NRXN1: variants seen among roughly 807,000 people sequenced by gnomAD.
NRXN1 encodes neurexin 1.
Under a neutral mutation model 150.9 loss-of-function variants are expected in NRXN1, and 39 were observed. The ratio of observed to expected loss-of-function variants is 0.26; its 90% confidence interval spans 0.20 to 0.34. The LOEUF (loss-of-function observed/expected upper bound fraction) is 0.34, where lower values mean the gene tolerates loss of function less well. Ranked by LOEUF, NRXN1 falls within the 10% of genes least tolerant of loss-of-function variation. NRXN1 has a pLI of 1.00. For missense variants in NRXN1, 1,815 were observed against 1,949.9 expected, an observed-to-expected ratio of 0.93 and a Z score of 1.30; for synonymous variants, 924 against 757.0, an observed-to-expected ratio of 1.22 and a Z score of -3.62.
At chr2:50,433,184 T>C (rs999858752) in intron 17 of NRXN1, among the ~76,000 whole-genome samples, 7 of 152,362 alleles carry the variant, frequency 4.6e-5, no homozygotes, top group Middle Eastern at 3.4e-3. Context: ...TGACTTGTTT[T>C]AGCCACTGAG....
At chr2:50,365,566 T>C (rs527493440) in intron 17 of NRXN1, among the ~76,000 whole-genome samples, 138 of 152,204 alleles carry the variant, frequency 9.1e-4, no homozygotes, top group Middle Eastern at 3.4e-3. Context: ...AGCTAAATAA[T>C]AGGTTTTTGA....
At chr2:50,207,233 T>C (rs1056543119) in intron 18 of NRXN1, among the ~76,000 whole-genome samples, 1 of 152,064 alleles carries the variant, frequency 6.6e-6, no homozygotes, top group African/African-American at 2.4e-5. Flanking sequence ...AATCTTTCCA[T>C]GTTAGAACAG....
intron 5 of NRXN1, among the ~76,000 whole-genome samples, chr2:50,745,735 C>A (rs953351397): frequency 6.6e-6 from 1 of 151,946 alleles, no homozygotes; most frequent in Non-Finnish European, 1.5e-5. Context: ...GAACGAGAAC[C>A]GATTAAAGGG....
rs2104608449 is a variant in NRXN1, at chr2:50,953,183, C to T, written c.773-27228G>A. On this transcript the variant is annotated intron_variant, in intron 2 of 22. Transcript: ENST00000401669. ...TATAGACCCATTATGAATAGCACAT[C>T]CATTGAACAAAGTTGAAATTCTGAT... Among the ~76,000 whole-genome samples the T allele has an allele frequency of 1.3e-5, 2 of 152,280 alleles. 1 individual carries two copies. Among genetic ancestry groups the T allele is most frequent in the South Asian group, 4.1e-4 (2 of 4,824 alleles).
intron 5 of NRXN1, among the ~76,000 whole-genome samples, chr2:50,740,586 T>C (rs1699309358): frequency 6.6e-6 from 1 of 152,188 alleles, no homozygotes; most frequent in African/African-American, 2.4e-5. Flanking sequence ...CATTTCTGTA[T>C]GTGTGTTTGA....
intron 18 of NRXN1, among the ~76,000 whole-genome samples, chr2:50,219,437 T>C (rs1313893539): frequency 6.6e-6 from 1 of 151,542 alleles, no homozygotes; most frequent in Non-Finnish European, 1.5e-5. Context: ...GTCTAGTTGA[T>C]AAAAAGGCCC....
chr2:51,000,543 CAA>C (rs10717666), intron 2 of NRXN1, among the ~76,000 whole-genome samples: 1 of 151,008 alleles, frequency 6.6e-6, no homozygotes, highest in Admixed American at 6.6e-5. Flanking sequence ...TTACTATTAC[CAA>C]AAAAAACAGG....
chr2:50,564,529 T>C (rs937467235), intron 8 of NRXN1, among the ~76,000 whole-genome samples: 4 of 152,186 alleles, frequency 2.6e-5, no homozygotes, highest in Non-Finnish European at 5.9e-5. Flanking sequence ...ATATTTTTTA[T>C]TTTAAATTTA....
At chr2:50,865,700 G>T (rs1435118281) in intron 5 of NRXN1, among the ~76,000 whole-genome samples, 1 of 109,954 alleles carries the variant, frequency 9.1e-6, no homozygotes, top group East Asian at 2.9e-4. Flanking sequence ...GGTGGGGGTA[G>T]TAGCACCTGG....
chr2:50,254,345 AT>A (rs77945156), intron 17 of NRXN1, among the ~76,000 whole-genome samples: 6 of 145,110 alleles, frequency 4.1e-5, no homozygotes, highest in Admixed American at 1.4e-4. Context: ...CTGTCTTATT[AT>A]TTTTTTTCAA....
chr2:50,075,834 A>G (rs1266987583), intron 19 of NRXN1, among the ~76,000 whole-genome samples: 1 of 151,528 alleles, frequency 6.6e-6, no homozygotes, highest in East Asian at 1.9e-4. Context: ...AAATCTGGCT[A>G]TGTACATGCA....
At chr2:50,650,893 T>C (rs749162768) in intron 5 of NRXN1, among the ~76,000 whole-genome samples, 2 of 152,042 alleles carry the variant, frequency 1.3e-5, no homozygotes, top group Non-Finnish European at 2.9e-5. Context: ...TAAAAAAGTA[T>C]AAAAATAAAT....
chr2:50,993,195 GGT>G (rs939322153), intron 2 of NRXN1, among the ~76,000 whole-genome samples: 3 of 151,938 alleles, frequency 2.0e-5, no homozygotes, highest in Admixed American at 6.6e-5. Flanking sequence ...TATGAGAGAA[GGT>G]AGTCATTCAA....
intron 18 of NRXN1, among the ~76,000 whole-genome samples, chr2:50,226,191 T>G (rs2064356771): frequency 6.6e-6 from 1 of 152,008 alleles, no homozygotes; most frequent in Admixed American, 6.6e-5. Context: ...TTTTTCCTTT[T>G]GAAGTTTTAA....
chr2:50,957,493 C>A (rs1379078504), intron 2 of NRXN1, among the ~76,000 whole-genome samples: 1 of 151,978 alleles, frequency 6.6e-6, no homozygotes, highest in Non-Finnish European at 1.5e-5. Flanking sequence ...ACACAATAGC[C>A]CTACAACAAA....
chr2:50,558,474 T>C (rs1668565995), intron 8 of NRXN1, among the ~76,000 whole-genome samples: 2 of 152,354 alleles, frequency 1.3e-5, no homozygotes, highest in Admixed American at 6.5e-5. Flanking sequence ...GTATTTTTCC[T>C]TCATTTGTTG....
chr2:50,828,824 G>A (rs2105873664), intron 5 of NRXN1, among the ~76,000 whole-genome samples: 2 of 152,278 alleles, frequency 1.3e-5, no homozygotes, highest in East Asian at 3.9e-4. Context: ...TCCCAGACGG[G>A]GTGGCGGCCA....
intron 17 of NRXN1, among the ~76,000 whole-genome samples, chr2:50,283,946 C>T (rs916509403): frequency 6.6e-6 from 1 of 152,120 alleles, no homozygotes; most frequent in Non-Finnish European, 1.5e-5. Flanking sequence ...CTCTCTCCTT[C>T]CCTCATTCTC....
At chr2:50,466,929 A>T (rs2088944532) in intron 16 of NRXN1, among the ~76,000 whole-genome samples, 2 of 151,856 alleles carry the variant, frequency 1.3e-5, no homozygotes, top group South Asian at 4.1e-4. Flanking sequence ...TAGATCCTTT[A>T]TCTTTCTGTT....
Sources: gnomAD v4.1 joint callset for allele counts (sites outside exome capture counted in the v4.1 genomes callset) on GRCh38, gnomAD v4.1.1 for gene constraint, MANE v1.5 for transcripts, NCBI Gene and HGNC (gene_info 2026-07-23, HGNC 2026-07-21) for gene names.